Variants in NAA11 observed in about 807,000 individuals in gnomAD.
NAA11 encodes the protein N-alpha-acetyltransferase 11, NatA catalytic subunit, also known as N-alpha-acetyltransferase 11.
In NAA11, 15 loss-of-function variants were observed where a neutral mutation model predicts 16.1. That is an observed-to-expected ratio of 0.93 (90% confidence interval 0.62 to 1.44). The LOEUF is 1.44. NAA11 is among the 40% of genes most tolerant of loss of function. The probability of loss-of-function intolerance (pLI) is 0.00; values close to 1 mark genes in which losing one functional copy is unlikely to be tolerated. For synonymous variants in NAA11, 122 were observed against 112.4 expected (o/e 1.09, Z -0.54); for missense variants, 298 against 291.3 (o/e 1.02, Z -0.17).
the NAA11 span, among the ~76,000 whole-genome samples, chr4:79,200,906 CA>C: frequency 6.6e-6 from 1 of 150,494 alleles, no homozygotes; most frequent in East Asian, 2.0e-4. Context: ...ATAAAAGTCC[CA>C]ATTGAAAAAT....
intron 2 of NAA11, among the ~76,000 whole-genome samples, chr4:79,234,833 A>G (rs1721536473): frequency 6.6e-6 from 1 of 152,092 alleles, no homozygotes; most frequent in Admixed American, 6.6e-5. Context: ...TTTCTCTTTG[A>G]ACAAACTACT....
chr4:79,283,624 CA>C (rs34100126), intron 2 of NAA11, among the ~76,000 whole-genome samples: 65,762 of 151,752 alleles, frequency 0.43, 14,751 homozygotes, highest in Middle Eastern at 0.52. Context: ...CACACCAACA[CA>C]AAATCTCTAA....
chr4:79,183,211 T>C, the NAA11 span, among the ~76,000 whole-genome samples: 1 of 152,234 alleles, frequency 6.6e-6, no homozygotes, highest in African/African-American at 2.4e-5. Flanking sequence ...GGATGAATAA[T>C]ATAACTTCTA....
chr4:79,223,641 A>G (rs867955141), downstream of NAA11, among the ~76,000 whole-genome samples: 10 of 35,828 alleles, frequency 2.8e-4, no homozygotes, highest in South Asian at 0.033. Context: ...AACTTAAAGT[A>G]TAATTAAAAA....
intron 1 of NAA11, among the ~76,000 whole-genome samples, chr4:79,318,788 A>G (rs1289729286): frequency 6.6e-6 from 1 of 152,270 alleles, no homozygotes; most frequent in African/African-American, 2.4e-5. Flanking sequence ...TAGTTATCTC[A>G]GTAAATACTG....
chr4:79,161,216 C>T, the NAA11 span, among the ~76,000 whole-genome samples: 30 of 152,254 alleles, frequency 2.0e-4, no homozygotes, highest in East Asian at 1.9e-3. Context: ...TTCCCTGTTG[C>T]GCAGGCTGGA....
At chr4:79,201,020 A>G in the NAA11 span, among the ~76,000 whole-genome samples, 1 of 151,678 alleles carries the variant, frequency 6.6e-6, no homozygotes, top group East Asian at 1.9e-4. Context: ...TTGCTTTTAT[A>G]CCATATATAG....
chr4:79,235,236 G>A (rs557483711), intron 2 of NAA11, among the ~76,000 whole-genome samples: 8 of 152,098 alleles, frequency 5.3e-5, no homozygotes, highest in African/African-American at 1.9e-4. Context: ...CTAGAGTTGA[G>A]AGCACCCACA....
the NAA11 span, among the ~76,000 whole-genome samples, chr4:79,177,872 A>G: frequency 6.6e-6 from 1 of 152,166 alleles, no homozygotes; most frequent in African/African-American, 2.4e-5. Flanking sequence ...CAAAATAACT[A>G]TGCTAATAAC....
the NAA11 span, among the ~76,000 whole-genome samples, chr4:79,172,597 C>T: frequency 6.6e-5 from 10 of 152,182 alleles, no homozygotes; most frequent in Admixed American, 2.6e-4. Flanking sequence ...ATTTCCTTTA[C>T]AGCCTCTCCT....
At chr4:79,291,347 C>A (rs1308369023) in intron 2 of NAA11, among the ~76,000 whole-genome samples, 1 of 152,196 alleles carries the variant, frequency 6.6e-6, no homozygotes, top group South Asian at 2.1e-4. Context: ...ACTGTAGTCT[C>A]AGCTACTAGG....
chr4:79,174,693 G>A, the NAA11 span, among the ~76,000 whole-genome samples: 2 of 152,094 alleles, frequency 1.3e-5, no homozygotes, highest in South Asian at 4.1e-4. Flanking sequence ...AAATCAAGAT[G>A]TACATTAACA....
chr4:79,233,415 AT>A (rs562743063), intron 2 of NAA11, among the ~76,000 whole-genome samples: 2 of 151,880 alleles, frequency 1.3e-5, no homozygotes, highest in South Asian at 4.2e-4. Flanking sequence ...TATTTTACTC[AT>A]TTTTTTAAAA....
At chr4:79,185,469 T>C in the NAA11 span, among the ~76,000 whole-genome samples, 2 of 152,214 alleles carry the variant, frequency 1.3e-5, no homozygotes, top group Admixed American at 1.3e-4. Context: ...AAAGCTCTGG[T>C]TGAAAGGATG....
intron 2 of NAA11, among the ~76,000 whole-genome samples, chr4:79,260,953 C>G (rs749649313): frequency 2.6e-5 from 4 of 152,118 alleles, no homozygotes; most frequent in Non-Finnish European, 5.9e-5. Context: ...GTTATAAAAA[C>G]CAATTGTAAA....
At chr4:79,182,168 A>G in the NAA11 span, among the ~76,000 whole-genome samples, 1 of 152,226 alleles carries the variant, frequency 6.6e-6, no homozygotes, top group African/African-American at 2.4e-5. Flanking sequence ...CTTCACCAGC[A>G]TGCTAAACTC....
the NAA11 span, among the ~76,000 whole-genome samples, chr4:79,199,457 T>A: frequency 4.0e-3 from 615 of 152,008 alleles, 6 homozygotes; most frequent in African/African-American, 0.014. Context: ...GAAGGGACTC[T>A]GTGAACTTGT....
At chr4:79,229,265 A>T (rs1721402115) in intron 2 of NAA11, among the ~76,000 whole-genome samples, 2 of 151,840 alleles carry the variant, frequency 1.3e-5, no homozygotes, top group South Asian at 2.1e-4. Context: ...GTTGATATTC[A>T]TCTTTTACAT....
rs187544186 is a variant in NAA11 at position 79,291,038 on chromosome 4, G to C, written c.*122+2967C>G. On this transcript the variant is annotated intron_variant and NMD_transcript_variant, in intron 2 of 2. Transcript: ENST00000511542. ...CACATTCACATATATATATTACTGAGTTTGAAAAAAACAGTTTTACTACAA... is the reference window on the plus strand; with the variant it reads ...CACATTCACATATATATATTACTGACTTTGAAAAAAACAGTTTTACTACAA... Among the ~76,000 whole-genome samples, 207 of 152,058 alleles carry C rather than the reference G, an allele frequency of 1.4e-3. 1 individual carries two copies. Among genetic ancestry groups the C allele is most frequent in the Middle Eastern group, 0.01 (3 of 294 alleles).
Sources: gnomAD v4.1 joint callset for allele counts (sites outside exome capture counted in the v4.1 genomes callset) on GRCh38, gnomAD v4.1.1 for gene constraint, MANE v1.5 for transcripts, NCBI Gene and HGNC (gene_info 2026-07-23, HGNC 2026-07-21) for gene names.